The following PTPRZ1 variants were observed in gnomAD, a reference collection of about 807,000 sequenced individuals.
PTPRZ1 encodes the protein protein tyrosine phosphatase receptor type Z1.
PTPRZ1 carries 82 observed loss-of-function variants against 214.1 expected under a neutral mutation model. The observed-to-expected ratio is 0.38, with a 90% confidence interval of 0.32 to 0.46. PTPRZ1 has a LOEUF of 0.46. PTPRZ1 is among the 20% of genes least tolerant of loss of function. The pLI, the probability that PTPRZ1 is intolerant of heterozygous loss-of-function variation, is 1.00. For missense variants in PTPRZ1, 2,603 were observed against 2,748.7 expected (o/e 0.95, Z 1.19); for synonymous variants, 945 against 987.9 (o/e 0.96, Z 0.81).
intron 2 of PTPRZ1, among the ~76,000 whole-genome samples, chr7:121,953,984 C>T (rs1796634526): frequency 6.6e-6 from 1 of 152,186 alleles, no homozygotes; most frequent in South Asian, 2.1e-4. Context: ...AGTGATCATT[C>T]ATCCATTCAC....
intron 23 of PTPRZ1, among the ~76,000 whole-genome samples, chr7:122,050,853 G>A (rs1792157487): frequency 2.0e-5 from 3 of 152,016 alleles, no homozygotes; most frequent in Admixed American, 2.0e-4. Context: ...ATAAAACACT[G>A]AATAACTGAA....
chr7:121,998,079 C>A, intron 10 of PTPRZ1, 73 bp downstream of exon 10: 1 of 1,464,518 alleles, frequency 6.8e-7, no homozygotes, highest in Non-Finnish European at 9.2e-7. Flanking sequence ...TGCATTGATG[C>A]TTTCTCTCTA....
At chr7:121,894,950 A>T (rs1055366451) in intron 1 of PTPRZ1, among the ~76,000 whole-genome samples, 1 of 152,230 alleles carries the variant, frequency 6.6e-6, no homozygotes, top group Non-Finnish European at 1.5e-5. Flanking sequence ...GCTAAATGTC[A>T]TCATAGTTAG....
intron 29 of PTPRZ1, 52 bp downstream of exon 29, chr7:122,059,940 T>C (rs1297917768): frequency 6.5e-7 from 1 of 1,546,900 alleles, no homozygotes. Flanking sequence ...TACAACTAAC[T>C]TCCTAGAGGC....
Position 122,013,303 on chromosome 7 carries a change from T to C in PTPRZ1, c.4257T>C (p.Gly1419=), listed in dbSNP as rs751422537. The change falls in exon 12 of 30, where the codon GGT becomes GGC. Residue 1419 remains glycine, a synonymous_variant. Transcript: ENST00000393386. ...DAGLVGGGED[G]DTDDDGDDDD... Reference sequence around the variant, plus strand: ...GTTTAGTGGGTGGTGGTGAAGATGGTGACACTGATGATGATGGTGATGATG... The same window carrying C: ...GTTTAGTGGGTGGTGGTGAAGATGGCGACACTGATGATGATGGTGATGATG... The C allele has an allele frequency of 6.3e-7, 1 of 1,599,720 alleles. No individual in the cohort carries two copies. Among genetic ancestry groups the C allele is most frequent in the Non-Finnish European group, 8.5e-7 (1 of 1,175,726 alleles).
At position 122,031,464 on chromosome 7, in the gene PTPRZ1, A is replaced by G. The variant is rs752495521; in HGVS notation, c.5081-10A>G. The stretch of plus-strand genomic sequence containing the variant: ...TTATGCTCTCTAACACAATTTTTTT[A>G]TTCACGTAGATGATGTCGGAGCAAT... On this transcript the variant is annotated splice_polypyrimidine_tract_variant and intron_variant, in intron 14 of 29. Coordinates refer to ENST00000393386, the MANE Select transcript of PTPRZ1 (RefSeq NM_002851.3). 2.5e-6 allele frequency: 4 copies of G among 1,603,144 alleles called. No individual in the cohort carries two copies. Among genetic ancestry groups the G allele is most frequent in the Non-Finnish European group, 3.4e-6 (4 of 1,171,916 alleles).
rs767723175 is a variant in PTPRZ1, at chr7:122,038,878, G to A, written c.5491G>A (p.Glu1831Lys). 8.7e-6 allele frequency: 14 copies of A among 1,613,728 alleles called. No homozygotes were observed. The highest frequency in any genetic ancestry group is 1.2e-5 in the Non-Finnish European group (14 of 1,179,866). ...EVIVMITNLV[E>K]KGRRKCDQYW... ...TATTGTCATGATAACAAACCTCGTGGAGAAAGGAAGGGTATGTAGATAATC... is the reference window on the plus strand; with the variant it reads ...TATTGTCATGATAACAAACCTCGTGAAGAAAGGAAGGGTATGTAGATAATC... The change falls in exon 19 of 30, where the codon GAG becomes AAG. Residue 1831 changes from glutamate to lysine, a missense_variant. Physicochemically the swap from Glu to Lys is moderately conservative, Grantham distance 56 (BLOSUM62 1). This residue lies in a region of PTPRZ1 where 1,913 missense variants were observed against 1,914.3 expected (regional missense o/e 1.00). Coordinates refer to ENST00000393386, the MANE Select transcript of PTPRZ1 (RefSeq NM_002851.3).
intron 8 of PTPRZ1, among the ~76,000 whole-genome samples, chr7:121,993,432 G>A (rs1215618963): frequency 4.6e-5 from 7 of 151,518 alleles, no homozygotes; most frequent in East Asian, 1.9e-4. Flanking sequence ...AAAAACAGCC[G>A]GGCATGGTGG....
chr7:122,032,575 TA>T (rs1413497431), intron 15 of PTPRZ1, among the ~76,000 whole-genome samples: 1 of 152,144 alleles, frequency 6.6e-6, no homozygotes, highest in Non-Finnish European at 1.5e-5. Context: ...CTTTGAGCTG[TA>T]AGCCTAATCA....
chr7:121,882,046 T>G (rs1266202670), intron 1 of PTPRZ1, among the ~76,000 whole-genome samples: 1 of 152,258 alleles, frequency 6.6e-6, no homozygotes, highest in Non-Finnish European at 1.5e-5. Context: ...ATAGGCTATT[T>G]CTTTTTACTG....
At chr7:121,975,386 C>G (rs541806657) in intron 4 of PTPRZ1, among the ~76,000 whole-genome samples, 2 of 152,318 alleles carry the variant, frequency 1.3e-5, no homozygotes, top group African/African-American at 2.4e-5. Flanking sequence ...ACATGCCCTT[C>G]TCTTCTGCCT....
intron 2 of PTPRZ1, among the ~76,000 whole-genome samples, chr7:121,930,987 C>A (rs1437418146): frequency 6.6e-6 from 1 of 152,042 alleles, no homozygotes; most frequent in African/African-American, 2.4e-5. Flanking sequence ...CCAGTGTCAC[C>A]ATCTGGGCAA....
chr7:121,933,372 C>T (rs925605794), intron 2 of PTPRZ1, among the ~76,000 whole-genome samples: 2 of 151,936 alleles, frequency 1.3e-5, no homozygotes, highest in African/African-American at 4.8e-5. Flanking sequence ...ATTTTCTGGA[C>T]TTTAAAAATA....
chr7:121,996,241 G>A (rs1798129798), intron 8 of PTPRZ1, 141 bp from the exon 9 acceptor site: 2 of 586,362 alleles, frequency 3.4e-6, no homozygotes, highest in East Asian at 2.9e-5. Flanking sequence ...AATGGAATAA[G>A]CAAAAGCTCC....
chr7:121,962,014 GT>G (rs1260956513), intron 2 of PTPRZ1, among the ~76,000 whole-genome samples: 25 of 152,150 alleles, frequency 1.6e-4, no homozygotes, highest in Non-Finnish European at 5.9e-5. Flanking sequence ...CTTCACAATA[GT>G]TCCTAATAAC....
intron 18 of PTPRZ1, 107 bp downstream of exon 18, chr7:122,036,789 C>A: frequency 1.3e-5 from 9 of 670,250 alleles, no homozygotes; most frequent in Admixed American, 3.2e-5. Flanking sequence ...TCATGTTATT[C>A]GATAGAGAAT....
intron 1 of PTPRZ1, among the ~76,000 whole-genome samples, chr7:121,884,105 C>T (rs1431497054): frequency 7.1e-6 from 1 of 141,164 alleles, no homozygotes; most frequent in Non-Finnish European, 1.5e-5. Flanking sequence ...AAAATATAGA[C>T]AGTTGTGCTA....
intron 1 of PTPRZ1, among the ~76,000 whole-genome samples, chr7:121,902,708 GA>G (rs1584619913): frequency 1.3e-5 from 2 of 151,990 alleles, no homozygotes; most frequent in East Asian, 3.9e-4. Flanking sequence ...TTAATCAAAT[GA>G]TTATTATTAC....
At chr7:122,050,304 G>A (rs1792132364) in intron 23 of PTPRZ1, among the ~76,000 whole-genome samples, 1 of 151,420 alleles carries the variant, frequency 6.6e-6, no homozygotes, top group Non-Finnish European at 1.5e-5. Context: ...TTAGCCAGGT[G>A]TGGTGGTGCA....
Sources: allele counts gnomAD v4.1 joint callset (sites outside exome capture counted in the v4.1 genomes callset), GRCh38; gene constraint gnomAD v4.1.1; regional missense constraint gnomAD v4.1.1; transcripts MANE v1.5; gene names NCBI Gene and HGNC (gene_info 2026-07-23, HGNC 2026-07-21).